CEP152: variants seen among roughly 807,000 people sequenced by gnomAD.
CEP152 encodes the protein centrosomal protein 152, also known as centrosomal protein of 152 kDa.
In CEP152, 132 loss-of-function variants were observed where a neutral mutation model predicts 188.9. That is an observed-to-expected ratio of 0.70 (90% confidence interval 0.61 to 0.81). The LOEUF (loss-of-function observed/expected upper bound fraction) is 0.81. Ranked by LOEUF, CEP152 falls within the 30% of genes least tolerant of loss-of-function variation. The pLI, the probability that CEP152 is intolerant of heterozygous loss-of-function variation, is 0.00. For missense variants in CEP152, 1,914 were observed against 1,969.8 expected, an observed-to-expected ratio of 0.97 and a Z score of 0.54; for synonymous variants, 649 against 666.6, an observed-to-expected ratio of 0.97 and a Z score of 0.41.
At chr15:48,808,119 A>AT (rs1555429583) in intron 1 of CEP152, among the ~76,000 whole-genome samples, 4 of 152,048 alleles carry the variant, frequency 2.6e-5, no homozygotes, top group Non-Finnish European at 5.9e-5. Context: ...TGTGGTTAAA[A>AT]ATATATATAG....
In CEP152 at chr15:48,793,425, A is replaced by G. The variant is rs1236213708; in HGVS notation, c.728T>C (p.Val243Ala). ...TTGTCTCTCTTTTGCTTTGTTAAGA[A>G]CCTGAAGTTGAATAATCTGCATATT... The part of the protein sequence containing the change: ...AENMQIIQLQ[V>A]LNKAKERQLE... The change falls in exon 7 of 27, where the codon GTT becomes GCT. Residue 243 changes from valine to alanine, a missense_variant. Val to Ala is a moderately conservative substitution (Grantham distance 64, BLOSUM62 0). Coordinates refer to ENST00000380950, the MANE Select transcript of CEP152 (RefSeq NM_001194998.2). 2 of 1,613,606 alleles carry G rather than the reference A, an allele frequency of 1.2e-6. No homozygotes were observed. The highest frequency in any genetic ancestry group is 1.7e-6 in the Non-Finnish European group (2 of 1,179,766).
chr15:48,768,357 T>C (rs1421829516), intron 14 of CEP152, 29 bp from the exon 15 acceptor site: 5 of 1,234,470 alleles, frequency 4.1e-6, no homozygotes, highest in Non-Finnish European at 6.0e-6. Flanking sequence ...ACTTAGTACT[T>C]ACAGAAAATA....
intron 11 of CEP152, among the ~76,000 whole-genome samples, 198 bp from the exon 12 acceptor site, chr15:48,781,557 G>C (rs1896244121): frequency 6.6e-6 from 1 of 152,100 alleles, no homozygotes; most frequent in South Asian, 2.1e-4. Flanking sequence ...AAATGAATGA[G>C]AAAACAAACA....
rs1895325934 is a variant in CEP152 at position 48,768,955 on chromosome 15, CCT to C, written c.1907_1908del (p.Gln636ArgfsTer3). On this transcript the variant is annotated frameshift_variant and splice_region_variant, in exon 14 of 27. Transcript: ENST00000380950. LOFTEE classifies it high-confidence loss of function. ...AAAATATAAAAAATATTTTTAATCA[CCT>C]GATTTTGTTGTTGTAAAACTTGAAT... is the stretch of plus-strand genomic sequence containing the variant. ...NEIQVLQQQN[Q>X]ELKETEGKLR... 6.6e-7 allele frequency: 1 copy of C among 1,504,824 alleles called. No homozygotes were observed. The highest frequency in any genetic ancestry group is 1.4e-5 in the African/African-American group (1 of 72,142). 93.2% of individuals were successfully genotyped at this position (1,504,824 alleles called of 1,614,324 possible).
At chr15:48,745,705 A>C (rs576657540) in intron 22 of CEP152, among the ~76,000 whole-genome samples, 1 of 152,134 alleles carries the variant, frequency 6.6e-6, no homozygotes, top group Non-Finnish European at 1.5e-5. Context: ...TTGAACTTTT[A>C]AAAAGAGGAT....
intron 2 of CEP152, chr15:48,729,880 G>C (rs1359217977): frequency 1.3e-5 from 2 of 151,588 alleles, no homozygotes; most frequent in African/African-American, 4.9e-5. Context: ...TAAAAAGTTG[G>C]GGAAAATAAA....
At chr15:48,759,435 T>C (rs1267724373) in intron 19 of CEP152, among the ~76,000 whole-genome samples, 1 of 152,180 alleles carries the variant, frequency 6.6e-6, no homozygotes, top group African/African-American at 2.4e-5. Context: ...TTATTTATAG[T>C]AGGGCCTACC....
chr15:48,735,320 A>G (rs184479813), downstream of CEP152, among the ~76,000 whole-genome samples: 215 of 152,372 alleles, frequency 1.4e-3, no homozygotes, highest in African/African-American at 5.1e-3. Flanking sequence ...GAAAACAACA[A>G]TACAACATAT....
chr15:48,740,907 G>T, intron 26 of CEP152: 1 of 400,266 alleles, frequency 2.5e-6, no homozygotes, highest in African/African-American at 2.2e-5. Flanking sequence ...AACCCCACCT[G>T]GTTGCTGTTG....
chr15:48,767,897 A>C (rs1895238971), intron 15 of CEP152, among the ~76,000 whole-genome samples: 1 of 152,190 alleles, frequency 6.6e-6, no homozygotes, highest in African/African-American at 2.4e-5. Context: ...TATTTGGAAG[A>C]CATATTCCCT....
At chr15:48,803,155 C>A (rs1481422284) in intron 2 of CEP152, among the ~76,000 whole-genome samples, 1 of 152,186 alleles carries the variant, frequency 6.6e-6, no homozygotes, top group Non-Finnish European at 1.5e-5. Context: ...GTAGAGAAAG[C>A]AATATGCATT....
intron 1 of CEP152, among the ~76,000 whole-genome samples, chr15:48,807,691 A>T (rs576969575): frequency 1.3e-5 from 2 of 152,300 alleles, no homozygotes; most frequent in South Asian, 4.1e-4. Flanking sequence ...AAATATAAAT[A>T]CAAGACGAAA....
At chr15:48,752,308 T>A in intron 21 of CEP152, 41 bp downstream of exon 21, 1 of 1,613,966 alleles carries the variant, frequency 6.2e-7, no homozygotes, top group African/African-American at 1.3e-5. Context: ...GATGGGTGAT[T>A]ATGGATGCTA....
intron 12 of CEP152, among the ~76,000 whole-genome samples, chr15:48,776,192 C>T (rs1424043313): frequency 6.6e-6 from 1 of 151,952 alleles, no homozygotes; most frequent in Non-Finnish European, 1.5e-5. Context: ...ATTCATTAAG[C>T]TATATATTTA....
intron 9 of CEP152, among the ~76,000 whole-genome samples, chr15:48,784,935 T>A (rs1278903180): frequency 6.6e-6 from 1 of 152,184 alleles, no homozygotes. Flanking sequence ...ACAAACACAC[T>A]GTCGAAATCA....
chr15:48,753,331 A>T (rs1453455821), intron 20 of CEP152, among the ~76,000 whole-genome samples: 1 of 152,170 alleles, frequency 6.6e-6, no homozygotes, highest in Non-Finnish European at 1.5e-5. Context: ...CAGCCAAATC[A>T]ATGGATTTTT....
intron 13 of CEP152, among the ~76,000 whole-genome samples, chr15:48,772,175 T>C (rs7171509): frequency 0.23 from 34,867 of 152,032 alleles, 5,535 homozygotes; most frequent in East Asian, 0.47. Context: ...CCTTGAGAGA[T>C]TGAGGTGGGA....
Position 48,739,154 on chromosome 15 carries a change from C to G in CEP152, c.4228G>C (p.Ala1410Pro). 1 of 1,614,194 alleles carries G rather than the reference C, an allele frequency of 6.2e-7. No homozygotes were observed. Among genetic ancestry groups the G allele is most frequent in the Non-Finnish European group, 8.5e-7 (1 of 1,180,018 alleles). ...TTACAAGCTGCCCTCCTCTTGGGAG[C>G]TTGTTCGCACAGAGTTCTGGTGATG... is the stretch of plus-strand genomic sequence containing the variant. ...NTITRTLCEQ[A>P]PKRRAACNLQ... The change falls in exon 27 of 27, where the codon GCT (alanine) becomes CCT (proline). Residue 1410 changes from alanine (A) to proline (P), a missense_variant. Ala to Pro is a conservative substitution (Grantham distance 27, BLOSUM62 -1). Transcript: ENST00000380950.
In CEP152 at chr15:48,767,074, G is replaced by A; in HGVS notation, c.2266C>T (p.Gln756Ter). The A allele has an allele frequency of 6.2e-7, 1 of 1,613,056 alleles. No individual in the cohort carries two copies. Among genetic ancestry groups the A allele is most frequent in the Non-Finnish European group, 8.5e-7 (1 of 1,180,000 alleles). ...TTGTACTGTACCTTCTCCTGAGTCT[G>A]TTGCTCCTTTTCAGTGGTCTTCCTG... ...TLRKTTEKEQ[Q>*]TQEKIKEKLI... The change falls in exon 17 of 27, where the codon CAG (glutamine) becomes TAG (stop). Residue 756 changes from glutamine (Q) to a stop codon, truncating the protein, a stop_gained. Coordinates refer to ENST00000380950, the MANE Select transcript of CEP152 (RefSeq NM_001194998.2). LOFTEE classifies it high-confidence loss of function.
Sources: allele counts gnomAD v4.1 joint callset (sites outside exome capture counted in the v4.1 genomes callset), GRCh38; gene constraint gnomAD v4.1.1; transcripts MANE v1.5; gene names NCBI Gene and HGNC (gene_info 2026-07-23, HGNC 2026-07-21).